GREB1: variants seen among roughly 807,000 people sequenced by gnomAD.
GREB1 encodes the protein protein GREB1.
GREB1 carries 106 observed loss-of-function variants against 200.7 expected under a neutral mutation model. That is an observed-to-expected ratio of 0.53 (90% CI 0.45 to 0.62). GREB1 has a LOEUF of 0.62. Ranked by LOEUF, GREB1 falls within the 20% of genes least tolerant of loss-of-function variation. The probability of loss-of-function intolerance (pLI) is 0.00; values close to 1 mark genes in which losing one functional copy is unlikely to be tolerated. For synonymous variants in GREB1, 1,132 were observed against 1,092.4 expected (o/e 1.04, Z -0.72); for missense variants, 2,243 against 2,556.8 (o/e 0.88, Z 2.65).
In GREB1 at chr2:11,618,413, C is replaced by T. The variant is rs550395437; in HGVS notation, c.3538C>T (p.Arg1180Trp). 44 of 1,609,576 alleles carry T rather than the reference C, an allele frequency of 2.7e-5. No homozygotes were observed. The highest frequency in any genetic ancestry group is 1.3e-4 in the African/African-American group (10 of 74,956). The change falls in exon 22 of 33, where the codon CGG becomes TGG. Residue 1180 changes from arginine (R) to tryptophan (W), a missense_variant. Coordinates refer to ENST00000381486, the MANE Select transcript of GREB1 (RefSeq NM_014668.4). ...GRAPGEKQRP[R>W]ASQGPPSAIS... ...AGCCCCTGGTGAGAAACAGAGGCCCCGGGCAAGTCAGGGGCCACCCTCGGC... is the reference window on the plus strand; with the variant it reads ...AGCCCCTGGTGAGAAACAGAGGCCCTGGGCAAGTCAGGGGCCACCCTCGGC...
intron 1 of GREB1, among the ~76,000 whole-genome samples, chr2:11,490,070 G>A (rs1672745208): frequency 6.6e-6 from 1 of 150,970 alleles, no homozygotes; most frequent in Non-Finnish European, 1.5e-5. Context: ...CAGTTTATGT[G>A]CTACAAAAGT....
chr2:11,575,546 G>A (rs1235914041), intron 4 of GREB1, among the ~76,000 whole-genome samples: 1 of 152,188 alleles, frequency 6.6e-6, no homozygotes, highest in Non-Finnish European at 1.5e-5. Context: ...TGTAGGCCTG[G>A]TGCAGAGGCC....
intron 24 of GREB1, 43 bp downstream of exon 24, chr2:11,625,355 G>T: frequency 6.3e-7 from 1 of 1,585,826 alleles, no homozygotes; most frequent in Non-Finnish European, 8.7e-7. Flanking sequence ...GAGTGCATGG[G>T]CACAGCCTCT....
At chr2:11,501,906 T>G (rs10200705) in intron 1 of GREB1, among the ~76,000 whole-genome samples, 13 of 36,762 alleles carry the variant, frequency 3.5e-4, no homozygotes, top group South Asian at 1.1e-3. Context: ...TTTTTTTTTG[T>G]TTTTTTTTTT....
chr2:11,590,104 A>G (rs529058771), intron 10 of GREB1, among the ~76,000 whole-genome samples: 1 of 152,310 alleles, frequency 6.6e-6, no homozygotes, highest in South Asian at 2.1e-4. Flanking sequence ...AGAGATCCAG[A>G]GGAGGCGACT....
chr2:11,543,808 T>C (rs562356712), intron 1 of GREB1, among the ~76,000 whole-genome samples: 1 of 152,286 alleles, frequency 6.6e-6, no homozygotes, highest in East Asian at 1.9e-4. Context: ...TGGGCCTCGG[T>C]GTCCATGTTC....
rs1182476713 is a variant in GREB1 at position 11,640,138 on chromosome 2, T to G, written c.5687-153T>G. ...ACTCCTGTCTCGCTAAGATTGTACA[T>G]CATCCCGAAAGAAGCAAGGGGCCGA... On this transcript the variant is annotated intron_variant, in intron 32 of 32. Transcript: ENST00000381486. The surrounding 1 kb of genome is among the most constrained non-coding windows in gnomAD (Gnocchi z 4.6). 2.0e-5 allele frequency among the ~76,000 whole-genome samples: 3 copies of G among 152,156 alleles called. No homozygotes were observed. The highest frequency in any genetic ancestry group is 2.1e-4 in the South Asian group (1 of 4,832).
chr2:11,565,811 G>T (rs548420019), intron 3 of GREB1, among the ~76,000 whole-genome samples: 2 of 152,060 alleles, frequency 1.3e-5, no homozygotes, highest in Admixed American at 1.3e-4. Context: ...CGTTTTTCAT[G>T]ATGGCCTCTT....
chr2:11,625,364 C>T (rs889781092), intron 24 of GREB1, 52 bp downstream of exon 24: 16 of 1,550,316 alleles, frequency 1.0e-5, no homozygotes, highest in Non-Finnish European at 1.4e-5. Context: ...GGCACAGCCT[C>T]TTAAAGGGAT....
chr2:11,531,637 C>T (rs1674078648), upstream of GREB1, among the ~76,000 whole-genome samples: 1 of 152,118 alleles, frequency 6.6e-6, no homozygotes, highest in Non-Finnish European at 1.5e-5. Context: ...GTGGCACCAT[C>T]TTGGCTCACT....
intron 1 of GREB1, among the ~76,000 whole-genome samples, chr2:11,544,146 A>G (rs1244249458): frequency 6.6e-6 from 1 of 152,164 alleles, no homozygotes; most frequent in Non-Finnish European, 1.5e-5. Context: ...AGAGAGGAGT[A>G]GGAAAATCAT....
chr2:11,514,235 A>C lies in GREB1; in HGVS notation c.-159+31854A>C, dbSNP rs78673778. 4.6e-3 allele frequency among the ~76,000 whole-genome samples: 708 copies of C among 152,364 alleles called. 5 individuals are homozygous for C. Among genetic ancestry groups the C allele is most frequent in the African/African-American group, 0.016 (671 of 41,582 alleles). ...CCAGATATGGTGCTGGCTTATTTAC[A>C]TAGAGTTCTCATTCAGTCTTTTAAA... On this transcript the variant is annotated intron_variant, in intron 1 of 2. Coordinates refer to the GREB1 transcript ENST00000628795.
At chr2:11,533,718 A>G (rs1674161741), upstream of GREB1, among the ~76,000 whole-genome samples, 1 of 152,232 alleles carries the variant, frequency 6.6e-6, no homozygotes, top group Non-Finnish European at 1.5e-5. Flanking sequence ...GGGTAGCCAG[A>G]AACAATGAAC....
intron 1 of GREB1, among the ~76,000 whole-genome samples, chr2:11,552,799 C>T (rs376414853): frequency 0.012 from 1,798 of 152,032 alleles, 42 homozygotes; most frequent in African/African-American, 0.04. Flanking sequence ...ATCACGAGGT[C>T]AGGAGATCGA....
In GREB1 at chr2:11,580,722, C is replaced by T. The variant is rs760875680; in HGVS notation, c.791C>T (p.Pro264Leu). Residue 264 changes from proline to leucine, a missense_variant, in exon 7 of 33, where the codon CCC (proline) becomes CTC (leucine). Pro to Leu is a moderately conservative substitution (Grantham distance 98). Coordinates refer to ENST00000381486, the MANE Select transcript of GREB1 (RefSeq NM_014668.4). This position sits in a 1 kb window ranked among gnomAD's most constrained non-coding sequence, Gnocchi z 4.5. Reference protein sequence around the residue: ...AQQAGPASDHPSLNAAMGPAV... With the variant: ...AQQAGPASDHLSLNAAMGPAV... ...TTTTCAGGACCAGCTTCTGATCACC[C>T]CTCACTAAACGCAGCAATGGGTCCG... is the stretch of plus-strand genomic sequence containing the variant. The T allele has an allele frequency of 6.2e-7, 1 of 1,613,748 alleles. No individual in the cohort carries two copies. The highest frequency in any genetic ancestry group is 8.5e-7 in the Non-Finnish European group (1 of 1,179,734).
At chr2:11,521,580 C>T (rs749065924) in intron 1 of GREB1, among the ~76,000 whole-genome samples, 32 of 152,154 alleles carry the variant, frequency 2.1e-4, no homozygotes, top group Admixed American at 3.3e-4. Flanking sequence ...GCTATAAACT[C>T]GGCTGTTTCA....
At chr2:11,631,885 C>A in intron 26 of GREB1, 24 bp from the exon 27 acceptor site, 1 of 1,568,646 alleles carries the variant, frequency 6.4e-7, no homozygotes, top group Non-Finnish European at 8.8e-7. Flanking sequence ...AAACACTCTA[C>A]CTCATGATAC....
chr2:11,591,771 A>G (rs920420586), intron 10 of GREB1: 3 of 283,208 alleles, frequency 1.1e-5, no homozygotes, highest in Non-Finnish European at 2.0e-5. Flanking sequence ...TTTGGAAGAA[A>G]TAAGAGAATC....
chr2:11,594,650 C>A (rs757280303), intron 11 of GREB1, among the ~76,000 whole-genome samples: 1 of 151,546 alleles, frequency 6.6e-6, no homozygotes, highest in African/African-American at 2.4e-5. Flanking sequence ...CCACCGTGCC[C>A]GACCAGCGTT....
Sources: allele counts gnomAD v4.1 joint callset (sites outside exome capture counted in the v4.1 genomes callset), GRCh38; gene constraint gnomAD v4.1.1; non-coding constraint Gnocchi (gnomAD v3.1); transcripts MANE v1.5; gene names NCBI Gene and HGNC (gene_info 2026-07-23, HGNC 2026-07-21).